Variants in KIF1A observed in about 807,000 individuals in gnomAD.
KIF1A encodes the protein kinesin-like protein KIF1A.
In KIF1A, 46 loss-of-function variants were observed where a neutral mutation model predicts 227.3. The observed-to-expected ratio is 0.20, with a 90% CI of 0.16 to 0.26. The LOEUF is 0.26. Ranked by LOEUF, KIF1A falls within the 10% of genes least tolerant of loss-of-function variation. The pLI, the probability that KIF1A is intolerant of heterozygous loss-of-function variation, is 1.00. For synonymous variants in KIF1A, 1,022 were observed against 1,012.8 expected (o/e 1.01, Z -0.17); for missense variants, 1,683 against 2,485.9 (o/e 0.68, Z 6.87).
At chr2:240,774,394 C>CA (rs2052466079) in intron 11 of KIF1A, 133 bp from the exon 12 acceptor site, 6 of 387,058 alleles carry the variant, frequency 1.6e-5, no homozygotes, top group Non-Finnish European at 2.2e-5. Context: ...CAGGCTTACC[C>CA]CCCCCCCCAC....
intron 2 of KIF1A, among the ~76,000 whole-genome samples, chr2:240,791,133 G>A (rs1434845580): frequency 2.0e-5 from 3 of 152,082 alleles, no homozygotes; most frequent in South Asian, 2.1e-4. Flanking sequence ...CCCTGTCCTC[G>A]GAGGTGAGAG....
At chr2:240,769,272 G>A in intron 16 of KIF1A, 64 bp from the exon 17 acceptor site, 1 of 1,454,298 alleles carries the variant, frequency 6.9e-7, no homozygotes, top group Non-Finnish European at 9.4e-7. Flanking sequence ...CCTCAGCCCT[G>A]GCTGACCAAT....
intron 38 of KIF1A, among the ~76,000 whole-genome samples, chr2:240,731,591 C>G (rs2046608371): frequency 6.6e-6 from 1 of 152,204 alleles, no homozygotes; most frequent in South Asian, 2.1e-4. Flanking sequence ...CCAGATCTGG[C>G]CTCAGAGGCA....
intron 1 of KIF1A, among the ~76,000 whole-genome samples, chr2:240,806,946 T>C (rs2057448851): frequency 6.6e-6 from 1 of 151,978 alleles, no homozygotes; most frequent in East Asian, 1.9e-4. Flanking sequence ...ACCCAAAGAA[T>C]ATAAAGTCGT....
chr2:240,782,500 C>A, intron 10 of KIF1A, 90 bp downstream of exon 10: 1 of 1,383,522 alleles, frequency 7.2e-7, no homozygotes, highest in Admixed American at 2.1e-5. Flanking sequence ...ACTCACTGCC[C>A]GCCCCGCCCC....
Position 240,766,896 on chromosome 2 carries a change from G to T in KIF1A, c.1684+19C>A, listed in dbSNP as rs553295793. 5 of 1,562,264 alleles carry T rather than the reference G, an allele frequency of 3.2e-6. No homozygotes were observed. The East Asian group carries it at 9.1e-5, about 29-fold the overall frequency. ...GCACAGGGGCATGGGTGCGGGTAGG[G>T]ACGGTAGGGTGGTGATACCTTCGCT... On this transcript the variant is annotated intron_variant, in intron 19 of 48. Coordinates refer to ENST00000498729, the MANE Select transcript of KIF1A (RefSeq NM_001244008.2). This position sits in a 1 kb window ranked among gnomAD's most constrained non-coding sequence, Gnocchi z 5.0.
rs555856342 is a variant in KIF1A at position 240,757,483 on chromosome 2, G to A, written c.2694C>T (p.Thr898=). The A allele has an allele frequency of 5.9e-5, 91 of 1,550,510 alleles. No homozygotes were observed. Among genetic ancestry groups the A allele is most frequent in the South Asian group, 4.3e-4 (36 of 84,000 alleles). ...PTFSSPDSDA[T]EPAEEQSVGE... Reference sequence around the variant, plus strand: ...CCACGCTCTGCTCCTCGGCAGGCTCGGTGGCGTCGGAGTCGGGGCTCGAGA... The same window carrying A: ...CCACGCTCTGCTCCTCGGCAGGCTCAGTGGCGTCGGAGTCGGGGCTCGAGA... Residue 898 remains threonine, a synonymous_variant, in exon 27 of 49, where the codon ACC becomes ACT. Coordinates refer to ENST00000498729, the MANE Select transcript of KIF1A (RefSeq NM_001244008.2). This position sits in a 1 kb window ranked among gnomAD's most constrained non-coding sequence, Gnocchi z 6.2.
intron 9 of KIF1A, 53 bp from the exon 10 acceptor site, chr2:240,782,660 G>C: frequency 2.6e-6 from 4 of 1,544,162 alleles, no homozygotes; most frequent in Non-Finnish European, 3.5e-6. Flanking sequence ...GCTGGCGCGG[G>C]CTGTGGGGGC....
Position 240,813,339 on chromosome 2 carries a change from C to T in KIF1A, c.-61+6783G>A, listed in dbSNP as rs1005370983. On this transcript the variant is annotated intron_variant, in intron 1 of 48. Coordinates refer to ENST00000498729, the MANE Select transcript of KIF1A (RefSeq NM_001244008.2). ...CCAACTGCAAAGGGCGTGGGAGAGG[C>T]GTTTCCTGGGACCTCAGCCCTGAGT... Among the ~76,000 whole-genome samples, 3 of 152,182 alleles carry T rather than the reference C, an allele frequency of 2.0e-5. 1 individual carries two copies. The highest frequency in any genetic ancestry group is 4.1e-4 in the South Asian group (2 of 4,826).
chr2:240,727,344 A>G (rs1459901732), intron 38 of KIF1A, among the ~76,000 whole-genome samples: 1 of 152,128 alleles, frequency 6.6e-6, no homozygotes, highest in Non-Finnish European at 1.5e-5. Context: ...GAGAGGACTC[A>G]GGCAGGGAGG....
At chr2:240,813,042 T>TCACCTCAGGGATCAGCCTTCACCTCG (rs1553642834) in intron 1 of KIF1A, among the ~76,000 whole-genome samples, 1 of 150,078 alleles carries the variant, frequency 6.7e-6, no homozygotes, top group Admixed American at 6.6e-5. Flanking sequence ...AGGATCCACT[T>TCACCTCAGGGATCAGCCTTCACCTCG]GCTCCCAGTT....
intron 38 of KIF1A, among the ~76,000 whole-genome samples, chr2:240,730,184 G>A (rs1166136460): frequency 6.6e-6 from 1 of 152,228 alleles, no homozygotes; most frequent in Non-Finnish European, 1.5e-5. Context: ...AACAGCTGGT[G>A]GATCAGGGAG....
intron 40 of KIF1A, 104 bp from the exon 41 acceptor site, chr2:240,724,140 C>A: frequency 1.0e-6 from 1 of 995,054 alleles, no homozygotes; most frequent in Non-Finnish European, 1.6e-6. Context: ...CACAGTCAGC[C>A]TGGCTGGGGT....
At position 240,792,156 on chromosome 2, in the gene KIF1A, G is replaced by A. The variant is rs1346209917; in HGVS notation, c.107-2844C>T. On this transcript the variant is annotated intron_variant, in intron 2 of 48. Transcript: ENST00000498729. The surrounding 1 kb of genome is among the most constrained non-coding windows in gnomAD (Gnocchi z 4.5). ...AGCCAGACTAGAAGCCAGGGTCCCC[G>A]CAACACCTCCCAGCCCTGAGGTCCG... Among the ~76,000 whole-genome samples the A allele has an allele frequency of 3.3e-5, 5 of 152,030 alleles. No homozygotes were observed. The highest frequency in any genetic ancestry group is 1.3e-4 in the Admixed American group (2 of 15,278).
chr2:240,722,601 C>T lies in KIF1A; in HGVS notation c.4520G>A (p.Arg1507Gln), dbSNP rs750045020. 14 of 1,564,534 alleles carry T rather than the reference C, an allele frequency of 8.9e-6. No individual in the cohort carries two copies. The highest frequency in any genetic ancestry group is 5.4e-5 in the African/African-American group (4 of 73,886). Reference protein sequence around the residue: ...LLREKLETAQRPVPEALSPAF... With the variant: ...LLREKLETAQQPVPEALSPAF... ...CGGGGACAGTGCCTCCGGGACAGGC[C>T]GCTGGGCGGTCTCCAGCTTCTCCCG... Residue 1507 changes from arginine to glutamine, a missense_variant, in exon 43 of 49, where the codon CGG becomes CAG. Around this residue, in one of 12 missense-constraint regions of KIF1A, gnomAD observed 384 missense variants for 410.1 expected, o/e 0.94. Transcript: ENST00000498729.
chr2:240,821,122 G>A (rs2058675462), upstream of KIF1A, among the ~76,000 whole-genome samples: 2 of 152,302 alleles, frequency 1.3e-5, no homozygotes, highest in East Asian at 1.9e-4. Context: ...TCGCCCATGG[G>A]AACCTCCCCG....
rs2054552480 is a variant in KIF1A, at chr2:240,785,075, C to T, written c.634G>A (p.Glu212Lys). 1 of 1,613,184 alleles carries T rather than the reference C, an allele frequency of 6.2e-7. No individual in the cohort carries two copies. Among genetic ancestry groups the T allele is most frequent in the African/African-American group, 1.3e-5 (1 of 74,944 alleles). Residue 212 changes from glutamate (E) to lysine (K), a missense_variant, in exon 7 of 49, where the codon GAG becomes AAG. By Grantham distance (56) the Glu-to-Lys change is moderately conservative (BLOSUM62 1). Coordinates refer to ENST00000498729, the MANE Select transcript of KIF1A (RefSeq NM_001244008.2). The stretch of plus-strand genomic sequence containing the variant: ...ACGGCGTGGGAGCGACTGCTGGTCT[C>T]ATTCATGTTGGTGGCCGCCACGGTC... ...ARTVAATNMN[E>K]TSSRSHAVFN...
chr2:240,745,532 A>C lies in KIF1A; in HGVS notation c.3375-15T>G. ...GGTGGATGAAGCTGCAAAGCAGAGGAGATGCTTTGGTGTGGGGTGGGGGAC... is the reference window on the plus strand; with the variant it reads ...GGTGGATGAAGCTGCAAAGCAGAGGCGATGCTTTGGTGTGGGGTGGGGGAC... On this transcript the variant is annotated splice_polypyrimidine_tract_variant and intron_variant, in intron 31 of 48. Transcript: ENST00000498729. 6.3e-7 allele frequency: 1 copy of C among 1,595,782 alleles called. No homozygotes were observed. The highest frequency in any genetic ancestry group is 8.6e-7 in the Non-Finnish European group (1 of 1,166,470).
At chr2:240,817,772 C>T (rs1353638918) in intron 1 of KIF1A, among the ~76,000 whole-genome samples, 1 of 152,272 alleles carries the variant, frequency 6.6e-6, no homozygotes, top group South Asian at 2.1e-4. Context: ...GCCTCCTCCT[C>T]CAGCTCACAT....
Sources: allele counts gnomAD v4.1 joint callset (sites outside exome capture counted in the v4.1 genomes callset), GRCh38; gene constraint gnomAD v4.1.1; regional missense constraint gnomAD v4.1.1; non-coding constraint Gnocchi (gnomAD v3.1); transcripts MANE v1.5; gene names NCBI Gene and HGNC (gene_info 2026-07-23, HGNC 2026-07-21).